NRG3: variants seen among roughly 807,000 people sequenced by gnomAD.
NRG3 encodes pro-neuregulin-3, membrane-bound isoform.
In NRG3, 31 loss-of-function variants were observed where a neutral mutation model predicts 66.9. The ratio of observed to expected loss-of-function variants is 0.46; its 90% confidence interval spans 0.35 to 0.63. The LOEUF (loss-of-function observed/expected upper bound fraction) is 0.63. Ranked by LOEUF, NRG3 falls within the 20% of genes least tolerant of loss-of-function variation. The probability of loss-of-function intolerance (pLI) is 0.00; values close to 1 mark genes in which losing one functional copy is unlikely to be tolerated. For missense variants in NRG3, 910 were observed against 878.9 expected, an observed-to-expected ratio of 1.04 and a Z score of -0.45; for synonymous variants, 393 against 359.4, an observed-to-expected ratio of 1.09 and a Z score of -1.06.
intron 2 of NRG3, among the ~76,000 whole-genome samples, chr10:82,699,962 A>G (rs1004183859): frequency 6.6e-6 from 1 of 152,118 alleles, no homozygotes; most frequent in Non-Finnish European, 1.5e-5. Flanking sequence ...ATACAAAATA[A>G]TAATTCAGGA....
At chr10:82,229,514 T>A (rs886157777) in intron 1 of NRG3, among the ~76,000 whole-genome samples, 1 of 152,188 alleles carries the variant, frequency 6.6e-6, no homozygotes, top group Non-Finnish European at 1.5e-5. Flanking sequence ...TACCCAAGAC[T>A]GGGTAATTTA....
chr10:82,778,745 A>G (rs1419854091), intron 3 of NRG3, among the ~76,000 whole-genome samples: 3 of 152,120 alleles, frequency 2.0e-5, no homozygotes, highest in African/African-American at 7.2e-5. Context: ...GCAGGGCACC[A>G]CATGGGCTCA....
chr10:82,562,326 A>C (rs902776628), intron 2 of NRG3, among the ~76,000 whole-genome samples: 1 of 152,158 alleles, frequency 6.6e-6, no homozygotes, highest in Non-Finnish European at 1.5e-5. Flanking sequence ...GAAAAGTGAG[A>C]GTATAGCTGA....
intron 2 of NRG3, among the ~76,000 whole-genome samples, chr10:82,541,043 C>A (rs1448503302): frequency 6.6e-6 from 1 of 152,048 alleles, no homozygotes; most frequent in Non-Finnish European, 1.5e-5. Context: ...TTCTGCAAGC[C>A]AAGGAGTGAA....
intron 2 of NRG3, among the ~76,000 whole-genome samples, chr10:82,678,285 G>C (rs1163246758): frequency 6.6e-6 from 1 of 152,134 alleles, no homozygotes; most frequent in Non-Finnish European, 1.5e-5. Context: ...CCGAAAAAGA[G>C]AGTCAGCGAA....
intron 2 of NRG3, among the ~76,000 whole-genome samples, chr10:82,399,383 A>C (rs1474222985): frequency 6.6e-6 from 1 of 152,238 alleles, no homozygotes; most frequent in African/African-American, 2.4e-5. Context: ...GAAACTCAAC[A>C]GCAGAAACTG....
chr10:81,945,624 A>G (rs1310016004), intron 1 of NRG3, among the ~76,000 whole-genome samples: 2 of 152,102 alleles, frequency 1.3e-5, no homozygotes, highest in African/African-American at 2.4e-5. Flanking sequence ...TTACATCTTG[A>G]TACAGTAGGG....
At chr10:82,199,852 A>C (rs1446791877) in intron 1 of NRG3, among the ~76,000 whole-genome samples, 1 of 147,798 alleles carries the variant, frequency 6.8e-6, no homozygotes, top group East Asian at 2.0e-4. Flanking sequence ...GATGCCCGCT[A>C]TCTGTGTTAT....
intron 2 of NRG3, among the ~76,000 whole-genome samples, chr10:82,594,023 G>A (rs2047131696): frequency 1.3e-5 from 2 of 152,054 alleles, no homozygotes; most frequent in Admixed American, 1.3e-4. Context: ...TTTTATGTCA[G>A]ACTCAGGACA....
intron 2 of NRG3, among the ~76,000 whole-genome samples, chr10:82,683,853 A>T (rs1196761134): frequency 6.6e-6 from 1 of 152,188 alleles, no homozygotes; most frequent in African/African-American, 2.4e-5. Context: ...CAACTTTCTT[A>T]CTTGCATTAT....
chr10:82,939,563 G>C (rs532579493), intron 4 of NRG3, among the ~76,000 whole-genome samples: 1 of 151,786 alleles, frequency 6.6e-6, no homozygotes, highest in Non-Finnish European at 1.5e-5. Flanking sequence ...TCCGCCTCCC[G>C]GGTTCACGCC....
chr10:82,800,563 CTAGCATTTAGTAGGTGCT>C (rs1332463798), intron 3 of NRG3, among the ~76,000 whole-genome samples: 1 of 152,046 alleles, frequency 6.6e-6, no homozygotes, highest in Non-Finnish European at 1.5e-5. Context: ...ATGATATTGC[CTAGCATTTAGTAGGTGCT>C]TAATTAATGT....
chr10:82,925,849 A>G (rs937485154), intron 4 of NRG3, among the ~76,000 whole-genome samples: 1 of 152,202 alleles, frequency 6.6e-6, no homozygotes, highest in Non-Finnish European at 1.5e-5. Flanking sequence ...AGTCTTTCCC[A>G]GAGAGAGGCT....
intron 3 of NRG3, among the ~76,000 whole-genome samples, chr10:82,760,795 A>T (rs1380339563): frequency 6.6e-6 from 1 of 152,084 alleles, no homozygotes; most frequent in African/African-American, 2.4e-5. Flanking sequence ...TAATTTTAAC[A>T]GATTTTTTAA....
intron 1 of NRG3, among the ~76,000 whole-genome samples, chr10:81,882,855 C>G (rs1214429537): frequency 1.3e-5 from 2 of 152,098 alleles, no homozygotes; most frequent in Non-Finnish European, 1.5e-5. Flanking sequence ...GGAGTCCTAC[C>G]TCAAATCACC....
intron 2 of NRG3, among the ~76,000 whole-genome samples, chr10:82,640,014 A>C (rs888875448): frequency 6.6e-6 from 1 of 152,106 alleles, no homozygotes. Context: ...AAGTGACAAC[A>C]TGCAGTATTT....
intron 1 of NRG3, among the ~76,000 whole-genome samples, chr10:82,117,527 CTGTG>C (rs1320228960): frequency 1.3e-5 from 2 of 151,978 alleles, no homozygotes; most frequent in African/African-American, 4.8e-5. Context: ...TGGAGAGTCT[CTGTG>C]TGTGTGTCTC....
chr10:81,876,281 GGGC>G, intron 1 of NRG3, 118 bp downstream of exon 1: 1 of 1,389,500 alleles, frequency 7.2e-7, no homozygotes. Context: ...CCCAGGTTTG[GGGC>G]AGAGTGAGAG....
intron 1 of NRG3, among the ~76,000 whole-genome samples, chr10:82,016,968 G>A (rs1190116437): frequency 2.0e-5 from 3 of 152,126 alleles, no homozygotes; most frequent in Non-Finnish European, 2.9e-5. Context: ...AAGTTCTAGG[G>A]TACATGTGCA....
Sources: gnomAD v4.1 joint callset for allele counts (sites outside exome capture counted in the v4.1 genomes callset) on GRCh38, gnomAD v4.1.1 for gene constraint, MANE v1.5 for transcripts, NCBI Gene and HGNC (gene_info 2026-07-23, HGNC 2026-07-21) for gene names.